CAMTA1: variants seen among roughly 807,000 people sequenced by gnomAD.
CAMTA1 encodes the protein calmodulin-binding transcription activator 1.
Under a neutral mutation model 170.9 loss-of-function variants are expected in CAMTA1, and 27 were observed. That is an observed-to-expected ratio of 0.16 (90% confidence interval 0.12 to 0.22). The LOEUF is 0.22. CAMTA1 is among the 10% of genes least tolerant of loss of function. The probability of loss-of-function intolerance (pLI) is 1.00; values close to 1 mark genes in which losing one functional copy is unlikely to be tolerated. For missense variants in CAMTA1, 1,619 were observed against 2,217.2 expected, an observed-to-expected ratio of 0.73 and a Z score of 5.42; for synonymous variants, 833 against 891.5, an observed-to-expected ratio of 0.93 and a Z score of 1.17.
rs956478316 is a variant in CAMTA1 at position 7,041,924 on chromosome 1, C to T, written c.235-49380C>T. 1.3e-5 allele frequency among the ~76,000 whole-genome samples: 2 copies of T among 152,136 alleles called. No individual in the cohort carries two copies. Among genetic ancestry groups the T allele is most frequent in the Admixed American group, 1.3e-4 (2 of 15,268 alleles). On this transcript the variant is annotated intron_variant, in intron 3 of 22. Transcript: ENST00000303635. The surrounding 1 kb of genome is among the most constrained non-coding windows in gnomAD (Gnocchi z 5.1). ...TGGCAATAATGTGTGCAGGGGTTAA[C>T]GTCTGAATGCTCTGATCTGGAAGCT...
intron 5 of CAMTA1, among the ~76,000 whole-genome samples, chr1:7,378,375 A>AGGAATAAACAAAATGTGCTCTATCCATAC (rs2087007544): frequency 1.3e-5 from 2 of 152,238 alleles, no homozygotes; most frequent in Admixed American, 1.3e-4. Flanking sequence ...CCCTCCACAG[A>AGGAATAAACAAAATGTGCTCTATCCATAC]GGAATAAACA....
chr1:7,646,016 G>A (rs2095800648), intron 7 of CAMTA1, among the ~76,000 whole-genome samples: 1 of 152,246 alleles, frequency 6.6e-6, no homozygotes, highest in Non-Finnish European at 1.5e-5. Context: ...TGAATGTGGG[G>A]TGGAGGCCAT....
chr1:7,342,954 C>T (rs776933662), intron 5 of CAMTA1, among the ~76,000 whole-genome samples: 15 of 152,218 alleles, frequency 9.9e-5, no homozygotes, highest in African/African-American at 4.8e-5. Context: ...AGGCCTGAGA[C>T]AAGTGCCCTC....
At chr1:6,876,109 G>C (rs904467941) in intron 3 of CAMTA1, among the ~76,000 whole-genome samples, 5 of 152,178 alleles carry the variant, frequency 3.3e-5, no homozygotes, top group Admixed American at 6.5e-5. Context: ...AATTTAGTTA[G>C]AGTGAAATGA....
chr1:7,465,006 G>T (rs1170821743), intron 5 of CAMTA1, among the ~76,000 whole-genome samples: 1 of 152,190 alleles, frequency 6.6e-6, no homozygotes, highest in Non-Finnish European at 1.5e-5. Context: ...CTCCACACAA[G>T]TCTGCTTTCC....
chr1:7,617,514 A>T (rs2095566975), intron 6 of CAMTA1, among the ~76,000 whole-genome samples: 1 of 152,188 alleles, frequency 6.6e-6, no homozygotes, highest in Non-Finnish European at 1.5e-5. Flanking sequence ...CTCTACCCTC[A>T]GGCTCTAGGG....
chr1:7,637,282 A>G (rs1429678026), intron 6 of CAMTA1, among the ~76,000 whole-genome samples: 1 of 152,166 alleles, frequency 6.6e-6, no homozygotes, highest in East Asian at 1.9e-4. Context: ...GGCGTCTGGC[A>G]TCTCCGCTCC....
chr1:6,822,985 A>T lies in CAMTA1; in HGVS notation c.116-2107A>T, dbSNP rs74053903. ...GTTCAGAATTGTACTTCAAACTGATAGCTTTCTCAGAGATATGGCTATTCA... is the reference window on the plus strand; with the variant it reads ...GTTCAGAATTGTACTTCAAACTGATTGCTTTCTCAGAGATATGGCTATTCA... On this transcript the variant is annotated intron_variant, in intron 2 of 22. Transcript: ENST00000303635. Among the ~76,000 whole-genome samples the T allele has an allele frequency of 2.6e-3, 397 of 152,292 alleles. 1 individual carries two copies. The highest frequency in any genetic ancestry group is 9.2e-3 in the African/African-American group (384 of 41,562).
At chr1:7,413,611 C>A (rs2090954377) in intron 5 of CAMTA1, among the ~76,000 whole-genome samples, 1 of 152,096 alleles carries the variant, frequency 6.6e-6, no homozygotes, top group Non-Finnish European at 1.5e-5. Flanking sequence ...GATTTTGTAT[C>A]CTGAGACTTT....
At chr1:7,528,397 C>G (rs751230409) in intron 6 of CAMTA1, among the ~76,000 whole-genome samples, 7 of 151,994 alleles carry the variant, frequency 4.6e-5, no homozygotes, top group Non-Finnish European at 1.0e-4. Flanking sequence ...AGGCCTGACA[C>G]TCAAAGTTAA....
chr1:6,795,746 C>T (rs535456130), intron 1 of CAMTA1, among the ~76,000 whole-genome samples: 1 of 152,232 alleles, frequency 6.6e-6, no homozygotes, highest in African/African-American at 2.4e-5. Context: ...ACTCTAAACT[C>T]TGCTGGGAAC....
At chr1:7,119,366 C>T (rs1302888323) in intron 4 of CAMTA1, among the ~76,000 whole-genome samples, 1 of 152,130 alleles carries the variant, frequency 6.6e-6, no homozygotes, top group East Asian at 1.9e-4. Flanking sequence ...TTGTATTAAA[C>T]ATGAGAGACA....
chr1:7,108,875 C>T (rs1165554864), intron 4 of CAMTA1, among the ~76,000 whole-genome samples: 10 of 152,170 alleles, frequency 6.6e-5, no homozygotes, highest in Non-Finnish European at 1.2e-4. Flanking sequence ...AGGTTTCTCT[C>T]GGGGCTGCAG....
chr1:7,464,916 C>G (rs6692614), intron 5 of CAMTA1, among the ~76,000 whole-genome samples: 90,629 of 151,566 alleles, frequency 0.6, 28,101 homozygotes, highest in African/African-American at 0.74. Context: ...CCACCTCTCG[C>G]CGAGGCCCTC....
At chr1:7,315,219 G>T (rs952771629) in intron 5 of CAMTA1, among the ~76,000 whole-genome samples, 1 of 152,230 alleles carries the variant, frequency 6.6e-6, no homozygotes, top group South Asian at 2.1e-4. Context: ...ACTTTGTGCA[G>T]CTGGAGAGAG....
chr1:6,839,154 G>A (rs193030105), intron 3 of CAMTA1, among the ~76,000 whole-genome samples: 7 of 152,030 alleles, frequency 4.6e-5, no homozygotes, highest in African/African-American at 1.7e-4. Flanking sequence ...AGGCTGAGGC[G>A]GGCAGATCAC....
chr1:7,591,701 T>C (rs2095356391), intron 6 of CAMTA1, among the ~76,000 whole-genome samples: 2 of 152,158 alleles, frequency 1.3e-5, no homozygotes, highest in Admixed American at 1.3e-4. Flanking sequence ...CGCCCTGCAC[T>C]GTTTGGTTCC....
intron 7 of CAMTA1, among the ~76,000 whole-genome samples, chr1:7,643,334 G>A (rs917147207): frequency 6.6e-6 from 1 of 152,242 alleles, no homozygotes; most frequent in Non-Finnish European, 1.5e-5. Flanking sequence ...CTGGGCCCCA[G>A]CAAAAGTTCC....
chr1:7,048,794 C>T (rs1406604965), intron 3 of CAMTA1, among the ~76,000 whole-genome samples: 4 of 152,194 alleles, frequency 2.6e-5, no homozygotes, highest in African/African-American at 9.7e-5. Context: ...TGTGTGCAGA[C>T]ACAGTCTGTG....
Sources: gnomAD v4.1 joint callset for allele counts (sites outside exome capture counted in the v4.1 genomes callset) on GRCh38, gnomAD v4.1.1 for gene constraint, Gnocchi (gnomAD v3.1) non-coding constraint, MANE v1.5 for transcripts, NCBI Gene and HGNC (gene_info 2026-07-23, HGNC 2026-07-21) for gene names.